DHRS7C: variants seen among roughly 807,000 people sequenced by gnomAD.
The protein encoded by DHRS7C is dehydrogenase/reductase 7C.
In DHRS7C, 28 loss-of-function variants were observed where a neutral mutation model predicts 29.6. The observed-to-expected ratio is 0.95, with a 90% CI of 0.70 to 1.30. The LOEUF (loss-of-function observed/expected upper bound fraction) is 1.30, where lower values mean the gene tolerates loss of function less well. DHRS7C is among the 50% of genes most tolerant of loss of function. The probability of loss-of-function intolerance (pLI) is 0.00; values close to 1 mark genes in which losing one functional copy is unlikely to be tolerated. For missense variants in DHRS7C, 403 were observed against 393.3 expected, an observed-to-expected ratio of 1.02 and a Z score of -0.21; for synonymous variants, 158 against 160.2, an observed-to-expected ratio of 0.99 and a Z score of 0.10.
intron 1 of DHRS7C, among the ~76,000 whole-genome samples, chr17:9,785,773 A>T (rs1486973730): frequency 1.3e-5 from 2 of 152,176 alleles, no homozygotes; most frequent in African/African-American, 4.8e-5. Context: ...GCCATCTTAT[A>T]GCACTGTCAG....
chr17:9,777,182 T>C lies in DHRS7C; in HGVS notation c.571+11A>G, dbSNP rs544431813. On this transcript the variant is annotated intron_variant, in intron 4 of 5. Coordinates refer to ENST00000571134, the MANE Select transcript of DHRS7C (RefSeq NM_001105571.3). ...AACAGAAGATATCATATTTTTATCT[T>C]AGCAACTTACAAGTCGTACGGAACG... 1.9e-6 allele frequency: 3 copies of C among 1,607,424 alleles called. No individual in the cohort carries two copies. In the African/African-American group the frequency reaches 4.0e-5, roughly 21 times the overall value.
chr17:9,791,100 A>T, intron 1 of DHRS7C, 31 bp downstream of exon 1: 10 of 1,587,458 alleles, frequency 6.3e-6, no homozygotes, highest in Non-Finnish European at 7.7e-6. Flanking sequence ...GGGGGCAGAA[A>T]TGGGCACAGG....
intron 2 of DHRS7C, 110 bp downstream of exon 2, chr17:9,781,372 C>T: frequency 1.0e-6 from 1 of 984,124 alleles, no homozygotes; most frequent in Non-Finnish European, 1.5e-6. Flanking sequence ...CTCACATTCC[C>T]CAGAGCAATC....
Position 9,774,403 on chromosome 17 carries a change from G to A in DHRS7C, c.572-1481C>T, listed in dbSNP as rs2066349540. On this transcript the variant is annotated intron_variant, in intron 4 of 5. Transcript: ENST00000571134. This position sits in a 1 kb window ranked among gnomAD's most constrained non-coding sequence, Gnocchi z 5.0. The stretch of plus-strand genomic sequence containing the variant: ...GGGCTCAAGCAATTCTCCAGCCTTA[G>A]CCTCCCGAGTAACTGAGATTATGGG... 6.6e-6 allele frequency among the ~76,000 whole-genome samples: 1 copy of A among 152,166 alleles called. No homozygotes were observed. Among genetic ancestry groups the A allele is most frequent in the Non-Finnish European group, 1.5e-5 (1 of 68,040 alleles).
intron 4 of DHRS7C, among the ~76,000 whole-genome samples, chr17:9,773,304 C>T (rs1160170220): frequency 1.3e-5 from 2 of 151,918 alleles, no homozygotes; most frequent in Non-Finnish European, 2.9e-5. Flanking sequence ...CCTGGGAAGG[C>T]TGATGCCTAA....
chr17:9,771,819 C>T, intron 5 of DHRS7C, 123 bp from the exon 6 acceptor site: 1 of 1,029,488 alleles, frequency 9.7e-7, no homozygotes, highest in Non-Finnish European at 1.3e-6. Context: ...TCACAGGTTC[C>T]AGGCCCCCTC....
At position 9,771,655 on chromosome 17, in the gene DHRS7C, C is replaced by G. The variant is rs1177179025; in HGVS notation, c.769G>C (p.Val257Leu). The G allele has an allele frequency of 1.3e-6, 2 of 1,582,744 alleles. No individual in the cohort carries two copies. Among genetic ancestry groups the G allele is most frequent in the East Asian group, 2.3e-5 (1 of 43,040 alleles). Reference protein sequence around the residue: ...KLTYGVHPVEVAEEVMRTVRR... With the variant: ...KLTYGVHPVELAEEVMRTVRR... ...ACGGTGCGCATCACCTCCTCCGCCA[C>G]CTCTACTGGGTGCACGCCGTAGGTC... The change falls in exon 6 of 6, where the codon GTG becomes CTG. Residue 257 changes from valine (V) to leucine (L), a missense_variant. Coordinates refer to ENST00000571134, the MANE Select transcript of DHRS7C (RefSeq NM_001105571.3).
At position 9,781,364 on chromosome 17, in the gene DHRS7C, C is replaced by A. The variant is rs1050331875; in HGVS notation, c.267+118G>T. On this transcript the variant is annotated intron_variant, in intron 2 of 5. Transcript: ENST00000571134. ...GTCAAGGTCATTGGGTTCATTGCCT[C>A]ACATTCCCCAGAGCAATCACCAAGT... 4.4e-6 allele frequency: 4 copies of A among 907,086 alleles called. No individual in the cohort carries two copies. The African/African-American group carries it at 5.0e-5, about 11-fold the overall frequency. The allele number at this position is 907,086 out of a possible 1,614,324, so 56.2% of individuals were successfully genotyped here. A position where few individuals can be genotyped will look rare whatever the true frequency, so the allele number is the denominator to read the frequency against.
rs1490495059 is a variant in DHRS7C, at chr17:9,771,538, C to G, written c.886G>C (p.Val296Leu). Reference sequence around the variant, plus strand: ...TTCTCCTTCACCCCACAGGCCACCACGGCGAAAAAGAACTCCGGGAAGAAG... The same window carrying G: ...TTCTCCTTCACCCCACAGGCCACCAGGGCGAAAAAGAACTCCGGGAAGAAG... ...RTFFPEFFFA[V>L]VACGVKEKLN... The change falls in exon 6 of 6, where the codon GTG becomes CTG. Residue 296 changes from valine to leucine, a missense_variant. Coordinates refer to ENST00000571134, the MANE Select transcript of DHRS7C (RefSeq NM_001105571.3). 2 of 1,588,018 alleles carry G rather than the reference C, an allele frequency of 1.3e-6. No individual in the cohort carries two copies. Among genetic ancestry groups the G allele is most frequent in the Non-Finnish European group, 1.7e-6 (2 of 1,165,160 alleles).
At chr17:9,787,099 T>C (rs2066428332) in intron 1 of DHRS7C, among the ~76,000 whole-genome samples, 1 of 151,956 alleles carries the variant, frequency 6.6e-6, no homozygotes, top group Admixed American at 6.6e-5. Flanking sequence ...GCGTCCACCA[T>C]CATGCCCAGC....
intron 5 of DHRS7C, 66 bp downstream of exon 5, chr17:9,772,700 AT>A (rs1259068458): frequency 1.3e-6 from 2 of 1,561,124 alleles, no homozygotes; most frequent in Non-Finnish European, 1.7e-6. Flanking sequence ...AAGGTCATTC[AT>A]CCCCCCAGTG....
At chr17:9,781,741 TC>T in intron 1 of DHRS7C, 147 bp from the exon 2 acceptor site, 1 of 692,112 alleles carries the variant, frequency 1.4e-6, no homozygotes, top group Non-Finnish European at 2.4e-6. Flanking sequence ...TTGAACTCCC[TC>T]CCCGGGCTGG....
intron 1 of DHRS7C, among the ~76,000 whole-genome samples, chr17:9,787,046 A>C (rs2066427939): frequency 6.6e-6 from 1 of 151,992 alleles, no homozygotes; most frequent in Admixed American, 6.5e-5. Flanking sequence ...CCCAGGTTCA[A>C]GTGATTCTCC....
intron 4 of DHRS7C, among the ~76,000 whole-genome samples, chr17:9,773,742 TGAGACGGCG>T: frequency 1.3e-5 from 1 of 77,574 alleles, no homozygotes; most frequent in Non-Finnish European, 2.3e-5. Context: ...TTTTTTTTTT[TGAGACGGCG>T]TCTCACTCTG....
rs1170307120 is a variant in DHRS7C, at chr17:9,775,445, T to A, written c.571+1748A>T. ...AGCCTGGGGACAATGGGATGTCCAA[T>A]GCCAGCCTGGGGCTTTGGACATTGA... On this transcript the variant is annotated intron_variant, in intron 4 of 5. Transcript: ENST00000571134. The surrounding 1 kb of genome is among the most constrained non-coding windows in gnomAD (Gnocchi z 4.2). Among the ~76,000 whole-genome samples, 5 of 152,192 alleles carry A rather than the reference T, an allele frequency of 3.3e-5. No homozygotes were observed. The highest frequency in any genetic ancestry group is 1.2e-4 in the African/African-American group (5 of 41,460).
At chr17:9,783,159 T>C (rs1000311905) in intron 1 of DHRS7C, among the ~76,000 whole-genome samples, 1 of 152,118 alleles carries the variant, frequency 6.6e-6, no homozygotes, top group African/African-American at 2.4e-5. Context: ...AAAACAGGTG[T>C]ACTGGGCATC....
chr17:9,774,435 C>G lies in DHRS7C; in HGVS notation c.572-1513G>C. ...GAGTAACTGAGATTATGGGTACACACCATCATGCCTGGCTAATTTTTGTAT... is the reference window on the plus strand; with the variant it reads ...GAGTAACTGAGATTATGGGTACACAGCATCATGCCTGGCTAATTTTTGTAT... On this transcript the variant is annotated intron_variant, in intron 4 of 5. Transcript: ENST00000571134. The surrounding 1 kb of genome is among the most constrained non-coding windows in gnomAD (Gnocchi z 5.0). Among the ~76,000 whole-genome samples the G allele has an allele frequency of 6.6e-6, 1 of 152,256 alleles. No homozygotes were observed. Among genetic ancestry groups the G allele is most frequent in the East Asian group, 1.9e-4 (1 of 5,172 alleles).
chr17:9,778,732 T>C (rs1009787995), intron 3 of DHRS7C, among the ~76,000 whole-genome samples: 3 of 152,154 alleles, frequency 2.0e-5, no homozygotes, highest in African/African-American at 7.2e-5. Flanking sequence ...GTCTTAGTAC[T>C]CAGAATCCTA....
At chr17:9,772,453 C>G (rs552432822) in intron 5 of DHRS7C, among the ~76,000 whole-genome samples, 85 of 152,246 alleles carry the variant, frequency 5.6e-4, no homozygotes, top group African/African-American at 2.0e-3. Context: ...GTTCTTTAAC[C>G]CCGAATCCAG....
Sources: gnomAD v4.1 joint callset for allele counts (sites outside exome capture counted in the v4.1 genomes callset) on GRCh38, gnomAD v4.1.1 for gene constraint, Gnocchi (gnomAD v3.1) non-coding constraint, MANE v1.5 for transcripts, NCBI Gene and HGNC (gene_info 2026-07-23, HGNC 2026-07-21) for gene names.